EPHA4: variants seen among roughly 807,000 people sequenced by gnomAD.
EPHA4 encodes ephrin type-A receptor 4.
Under a neutral mutation model 108.3 loss-of-function variants are expected in EPHA4, and 19 were observed. The observed-to-expected ratio is 0.18, with a 90% confidence interval of 0.12 to 0.26. The LOEUF is 0.26. Ranked by LOEUF, EPHA4 falls within the 10% of genes least tolerant of loss-of-function variation. The pLI is 1.00. For missense variants in EPHA4, 917 were observed against 1,254.0 expected (o/e 0.73, Z 4.06); for synonymous variants, 449 against 455.5 (o/e 0.99, Z 0.18).
chr2:221,455,798 T>C (rs550346294), intron 7 of EPHA4, 140 bp from the exon 8 acceptor site: 17 of 648,490 alleles, frequency 2.6e-5, no homozygotes, highest in Non-Finnish European at 4.1e-5. Context: ...GCAGCAGTTT[T>C]GAATGTACCT....
At chr2:221,539,494 A>G (rs1031351428) in intron 3 of EPHA4, among the ~76,000 whole-genome samples, 1 of 152,188 alleles carries the variant, frequency 6.6e-6, no homozygotes, top group Non-Finnish European at 1.5e-5. Flanking sequence ...ACCTTGTGGA[A>G]TGTGCAAAAT....
chr2:221,525,525 A>G (rs1693297421), intron 3 of EPHA4, among the ~76,000 whole-genome samples: 1 of 152,212 alleles, frequency 6.6e-6, no homozygotes, highest in Non-Finnish European at 1.5e-5. Flanking sequence ...CGAACGACTC[A>G]GTGGTTAGAC....
Position 221,482,583 on chromosome 2 carries a change from T to C in EPHA4, c.1087A>G (p.Asn363Asp). The C allele has an allele frequency of 1.9e-6, 3 of 1,614,048 alleles. No homozygotes were observed. Among genetic ancestry groups the C allele is most frequent in the Non-Finnish European group, 2.5e-6 (3 of 1,179,976 alleles). ...NTGGRQDISYNVVCKKCGAGD... is the reference protein window; with the variant it reads ...NTGGRQDISYDVVCKKCGAGD... Reference sequence around the variant, plus strand: ...GCTCCACATTTCTTGCATACCACATTATAGGAAATGTCCTGGCGGCCACCT... The same window carrying C: ...GCTCCACATTTCTTGCATACCACATCATAGGAAATGTCCTGGCGGCCACCT... Residue 363 changes from asparagine to aspartate, a missense_variant, in exon 5 of 18, where the codon AAT becomes GAT. Transcript: ENST00000281821.
At chr2:221,493,457 TA>T (rs990486019) in intron 4 of EPHA4, among the ~76,000 whole-genome samples, 8 of 151,592 alleles carry the variant, frequency 5.3e-5, no homozygotes, top group Non-Finnish European at 8.8e-5. Flanking sequence ...AAATAAAAAA[TA>T]AAAAAATAAA....
intron 5 of EPHA4, among the ~76,000 whole-genome samples, chr2:221,460,058 C>T (rs935214625): frequency 2.0e-5 from 3 of 152,118 alleles, no homozygotes; most frequent in East Asian, 1.9e-4. Flanking sequence ...TAGCTGTGTT[C>T]CTGTGACCAT....
At chr2:221,496,866 G>C (rs1692313152) in intron 4 of EPHA4, among the ~76,000 whole-genome samples, 1 of 151,970 alleles carries the variant, frequency 6.6e-6, no homozygotes, top group African/African-American at 2.4e-5. Context: ...CCAAGATTGT[G>C]TCATTGCACT....
At chr2:221,540,212 G>A (rs1160290660) in intron 3 of EPHA4, among the ~76,000 whole-genome samples, 2 of 152,132 alleles carry the variant, frequency 1.3e-5, no homozygotes, top group African/African-American at 4.8e-5. Flanking sequence ...GAGCCACCGC[G>A]CCCAGCCCAG....
chr2:221,544,607 A>G (rs1693932111), intron 3 of EPHA4, among the ~76,000 whole-genome samples: 2 of 152,128 alleles, frequency 1.3e-5, no homozygotes, highest in African/African-American at 4.8e-5. Flanking sequence ...ATTACAGGCC[A>G]CCACGCTACA....
At chr2:221,468,460 A>T (rs2106127605) in intron 5 of EPHA4, among the ~76,000 whole-genome samples, 1 of 152,332 alleles carries the variant, frequency 6.6e-6, no homozygotes, top group South Asian at 2.1e-4. Context: ...TCTGGAAAAT[A>T]AAAAGCTAAG....
intron 3 of EPHA4, among the ~76,000 whole-genome samples, chr2:221,504,781 T>C (rs1453777300): frequency 6.6e-6 from 1 of 152,172 alleles, no homozygotes; most frequent in Non-Finnish European, 1.5e-5. Context: ...ATTATCACTG[T>C]TCCCACTTTG....
intron 8 of EPHA4, among the ~76,000 whole-genome samples, 198 bp downstream of exon 8, chr2:221,455,349 C>T (rs763004850): frequency 6.6e-6 from 1 of 151,656 alleles, no homozygotes; most frequent in Non-Finnish European, 1.5e-5. Context: ...TCCTTCCGGA[C>T]CTCTCAGCCT....
At chr2:221,533,403 C>A (rs1006777367) in intron 3 of EPHA4, among the ~76,000 whole-genome samples, 3 of 151,954 alleles carry the variant, frequency 2.0e-5, no homozygotes, top group African/African-American at 4.8e-5. Flanking sequence ...CCCCTGCCCC[C>A]GTATGTATCA....
At chr2:221,474,641 G>A (rs867195698) in intron 5 of EPHA4, among the ~76,000 whole-genome samples, 30 of 152,184 alleles carry the variant, frequency 2.0e-4, no homozygotes, top group Non-Finnish European at 3.5e-4. Context: ...CTGAGGATGC[G>A]CAAACAACGT....
chr2:221,570,848 T>G (rs1432153719), intron 1 of EPHA4, among the ~76,000 whole-genome samples: 1 of 150,734 alleles, frequency 6.6e-6, no homozygotes, highest in African/African-American at 2.4e-5. Context: ...GGATGCATTA[T>G]GGATGGATGC....
chr2:221,425,760 T>C lies in EPHA4; in HGVS notation c.*268A>G. The C allele has an allele frequency of 2.5e-6, 1 of 398,730 alleles. No homozygotes were observed. Among genetic ancestry groups the C allele is most frequent in the South Asian group, 3.7e-5 (1 of 26,994 alleles). 24.7% of individuals were successfully genotyped at this position (398,730 alleles called of 1,614,324 possible). ...AGAGGCAGTGTTCTATTTCTATAGG[T>C]ACATGTATTTTACAGACTGGTGATG... On this transcript the variant is annotated 3_prime_UTR_variant, in exon 17 of 18. Coordinates refer to ENST00000281821, the MANE Select transcript of EPHA4 (RefSeq NM_004438.5).
chr2:221,559,136 C>T (rs958190727), intron 3 of EPHA4, among the ~76,000 whole-genome samples: 1 of 152,064 alleles, frequency 6.6e-6, no homozygotes, highest in Non-Finnish European at 1.5e-5. Flanking sequence ...CTTTAAAAAG[C>T]TTTTAATACG....
intron 3 of EPHA4, among the ~76,000 whole-genome samples, chr2:221,530,626 G>A (rs562019213): frequency 1.2e-3 from 186 of 152,260 alleles, no homozygotes; most frequent in African/African-American, 4.3e-3. Context: ...GAAACCACCC[G>A]AAAAAGCTAC....
chr2:221,548,449 G>A (rs1455018573), intron 3 of EPHA4, among the ~76,000 whole-genome samples: 1 of 152,022 alleles, frequency 6.6e-6, no homozygotes, highest in African/African-American at 2.4e-5. Context: ...TTTGCCTTGG[G>A]ACATGAGTAA....
Position 221,462,413 on chromosome 2 carries a change from T to TA in EPHA4, c.1319-4424dup, listed in dbSNP as rs763135979. 6.6e-5 allele frequency among the ~76,000 whole-genome samples: 10 copies of TA among 152,234 alleles called. No homozygotes were observed. In the East Asian group the frequency reaches 1.2e-3, roughly 18 times the overall value. On this transcript the variant is annotated intron_variant, in intron 5 of 17. Coordinates refer to ENST00000281821, the MANE Select transcript of EPHA4 (RefSeq NM_004438.5). ...CCCCTAAGGAGATTTCAGCAGTTTTTAACCCAAAACTTGTCTCTCATTTCT... is the reference window on the plus strand; with the variant it reads ...CCCCTAAGGAGATTTCAGCAGTTTTTAAACCCAAAACTTGTCTCTCATTTCT...
Sources: gnomAD v4.1 joint callset for allele counts (sites outside exome capture counted in the v4.1 genomes callset) on GRCh38, gnomAD v4.1.1 for gene constraint, MANE v1.5 for transcripts, NCBI Gene and HGNC (gene_info 2026-07-23, HGNC 2026-07-21) for gene names.